Variants in MYO15A observed in about 807,000 individuals in gnomAD.
MYO15A encodes unconventional myosin-XV.
Under a neutral mutation model 394.6 loss-of-function variants are expected in MYO15A, and 308 were observed. The observed-to-expected ratio is 0.78, with a 90% confidence interval of 0.71 to 0.86. The LOEUF (loss-of-function observed/expected upper bound fraction) is 0.86, where lower values mean the gene tolerates loss of function less well. Ranked by LOEUF, MYO15A falls within the 40% of genes least tolerant of loss-of-function variation. The pLI, the probability that MYO15A is intolerant of heterozygous loss-of-function variation, is 0.00. For missense variants in MYO15A, 4,606 were observed against 4,799.1 expected (o/e 0.96, Z 1.19); for synonymous variants, 1,957 against 2,003.8 (o/e 0.98, Z 0.62).
chr17:18,124,530 C>T lies in MYO15A; in HGVS notation c.3657C>T (p.His1219=), dbSNP rs1429253786. ...CATCCATGCGGTTCCGTGAGCAGCACGGGGAGGATGGTGTGGAGGACATGA... is the reference window on the plus strand; with the variant it reads ...CATCCATGCGGTTCCGTGAGCAGCATGGGGAGGATGGTGTGGAGGACATGA... ...NLPSMRFREQ[H]GEDGVEDMTQ... Residue 1219 remains histidine, a synonymous_variant, in exon 3 of 66, where the codon CAC becomes CAT. Coordinates refer to ENST00000647165, the MANE Select transcript of MYO15A (RefSeq NM_016239.4). 3.1e-6 allele frequency: 5 copies of T among 1,613,088 alleles called. No homozygotes were observed. In the African/African-American group the frequency reaches 4.0e-5, roughly 13 times the overall value.
chr17:18,128,516 G>C (rs1425134070), intron 7 of MYO15A, among the ~76,000 whole-genome samples: 2 of 152,202 alleles, frequency 1.3e-5, no homozygotes, highest in African/African-American at 4.8e-5. Context: ...GCCTGCCTTG[G>C]CCTGCCAGGG....
rs368611576 is a variant in MYO15A, at chr17:18,121,941, C to A, written c.3141C>A (p.Pro1047=). Residue 1047 remains proline, a synonymous_variant, in exon 2 of 66, where the codon CCC becomes CCA. Transcript: ENST00000647165. The surrounding 1 kb of genome is among the most constrained non-coding windows in gnomAD (Gnocchi z 5.3). ...DVTPPKDITP[P]KDVLPEQKTL... is the part of the protein sequence containing the mutation. ...CTCCCCCCAAGGATATCACTCCCCC[C>A]AAGGATGTCCTCCCAGAGCAAAAGA... is the stretch of plus-strand genomic sequence containing the variant. 1 of 1,613,432 alleles carries A rather than the reference C, an allele frequency of 6.2e-7. No homozygotes were observed. The highest frequency in any genetic ancestry group is 8.5e-7 in the Non-Finnish European group (1 of 1,179,978).
At chr17:18,157,995 G>GC (rs1234592268) in intron 51 of MYO15A, 95 bp downstream of exon 51, 2 of 1,416,976 alleles carry the variant, frequency 1.4e-6, no homozygotes, top group African/African-American at 2.9e-5. Flanking sequence ...TGGGCCAAGG[G>GC]CCTGGCCAGG....
At chr17:18,155,979 C>T (rs1029906976) in intron 47 of MYO15A, 15 of 620,184 alleles carry the variant, frequency 2.4e-5, no homozygotes, top group East Asian at 8.7e-5. Context: ...GGAGAGGGGC[C>T]GGAGTGTCAG....
intron 33 of MYO15A, 69 bp downstream of exon 33, chr17:18,149,021 G>A: frequency 6.5e-7 from 1 of 1,531,658 alleles, no homozygotes. Context: ...CTCCCAGGCA[G>A]AAGGCCTGCC....
At chr17:18,110,328 TATA>T (rs2045706284) in intron 1 of MYO15A, 1 of 152,238 alleles carries the variant, frequency 6.6e-6, no homozygotes, top group Admixed American at 6.5e-5. Flanking sequence ...AGCTTCTTTT[TATA>T]ATATTTTCTA....
chr17:18,157,296 A>C (rs1178924707), intron 50 of MYO15A, 66 bp downstream of exon 50: 1 of 1,546,454 alleles, frequency 6.5e-7, no homozygotes, highest in East Asian at 2.4e-5. Flanking sequence ...CGTGGTGCAG[A>C]TGCACAGTGA....
In MYO15A at chr17:18,121,926, GGATATCACT is replaced by G. The variant is rs1002944160; in HGVS notation, c.3127_3135del (p.Asp1043_Thr1045del). 2.5e-6 allele frequency: 4 copies of G among 1,613,054 alleles called. No homozygotes were observed. In the Admixed American group the frequency reaches 6.7e-5, roughly 27 times the overall value. The stretch of plus-strand genomic sequence containing the variant: ...CTCCCAAGGATGTCACTCCCCCCAA[GGATATCACT>G]CCCCCCAAGGATGTCCTCCCAGAGC... On this transcript the variant is annotated inframe_deletion, in exon 2 of 66. Coordinates refer to ENST00000647165, the MANE Select transcript of MYO15A (RefSeq NM_016239.4). This position sits in a 1 kb window ranked among gnomAD's most constrained non-coding sequence, Gnocchi z 5.3.
intron 51 of MYO15A, 31 bp downstream of exon 51, chr17:18,157,931 G>GGGGGGGGGGCC: frequency 2.4e-6 from 1 of 412,704 alleles, no homozygotes; most frequent in Non-Finnish European, 4.5e-6. Flanking sequence ...GTGGGGCGGG[G>GGGGGGGGGGCC]TAGACCAGGG....
At chr17:18,173,480 T>G in intron 64 of MYO15A, 2 of 415,196 alleles carry the variant, frequency 4.8e-6, no homozygotes, top group African/African-American at 2.0e-5. Context: ...GCAACTTTGA[T>G]GTGAAGTTCA....
chr17:18,137,022 C>T (rs1377541712), intron 15 of MYO15A, among the ~76,000 whole-genome samples: 2 of 152,208 alleles, frequency 1.3e-5, no homozygotes, highest in African/African-American at 4.8e-5. Flanking sequence ...AGCAAAGGCA[C>T]TGTAGGTGCA....
In MYO15A at chr17:18,156,322, T is replaced by C. The variant is rs1236011131; in HGVS notation, c.8587T>C (p.Leu2863=). The change falls in exon 48 of 66, where the codon TTG becomes CTG. Residue 2863 remains leucine, a synonymous_variant. Transcript: ENST00000647165. ...CAAGACCCTGGTAGATGACTTCATC[T>C]TGGAGCTGAAGAAGGTCAGGATCTT... ...QVKTLVDDFI[L]ELKKDSDYVV... is the part of the protein sequence containing the mutation. The C allele has an allele frequency of 1.2e-6, 2 of 1,614,182 alleles. 1 individual carries two copies. The highest frequency in any genetic ancestry group is 2.2e-5 in the South Asian group (2 of 91,088).
chr17:18,128,142 A>T lies in MYO15A; in HGVS notation c.4032+977A>T, dbSNP rs180695750. Among the ~76,000 whole-genome samples the T allele has an allele frequency of 2.6e-5, 4 of 152,178 alleles. No individual in the cohort carries two copies. The East Asian group carries it at 7.7e-4, about 29-fold the overall frequency. Reference sequence around the variant, plus strand: ...CAGAGAAGACAGACTGGGGTGTGAGAGGGAGAACTGTCGGAGGGTGACCCC... The same window carrying T: ...CAGAGAAGACAGACTGGGGTGTGAGTGGGAGAACTGTCGGAGGGTGACCCC... On this transcript the variant is annotated intron_variant, in intron 7 of 65. Transcript: ENST00000647165.
chr17:18,120,991 G>A lies in MYO15A; in HGVS notation c.2191G>A (p.Val731Met). The A allele has an allele frequency of 6.7e-7, 1 of 1,503,730 alleles. No individual in the cohort carries two copies. Among genetic ancestry groups the A allele is most frequent in the Non-Finnish European group, 8.8e-7 (1 of 1,131,574 alleles). 93.1% of individuals were successfully genotyped at this position (1,503,730 alleles called of 1,614,324 possible). The change falls in exon 2 of 66, where the codon GTG becomes ATG. Residue 731 changes from valine (V) to methionine (M), a missense_variant. This residue lies in a region of MYO15A where 1,830 missense variants were observed against 1,689.7 expected (regional missense o/e 1.08). Coordinates refer to ENST00000647165, the MANE Select transcript of MYO15A (RefSeq NM_016239.4). ...FVEPPAVSPE[V>M]PPDLLAFPGP... ...GGAGCCCCCTGCCGTGAGCCCGGAG[G>A]TGCCCCCCGACCTACTAGCCTTCCC...
chr17:18,148,989 C>T lies in MYO15A; in HGVS notation c.6956+37C>T, dbSNP rs758728832. Reference sequence around the variant, plus strand: ...TGGGGGACCCCCTCACAGATGGCCACTCCCAGGCAGAAGGCCGGCCACTCC... The same window carrying T: ...TGGGGGACCCCCTCACAGATGGCCATTCCCAGGCAGAAGGCCGGCCACTCC... On this transcript the variant is annotated intron_variant, in intron 33 of 65. Transcript: ENST00000647165. This position sits in a 1 kb window ranked among gnomAD's most constrained non-coding sequence, Gnocchi z 4.8. 1.9e-6 allele frequency: 3 copies of T among 1,554,684 alleles called. No individual in the cohort carries two copies. The East Asian group carries it at 7.2e-5, about 37-fold the overall frequency.
Position 18,118,945 on chromosome 17 carries a change from A to G in MYO15A, c.145A>G (p.Lys49Glu). The G allele has an allele frequency of 6.2e-7, 1 of 1,613,558 alleles. No individual in the cohort carries two copies. Among genetic ancestry groups the G allele is most frequent in the Non-Finnish European group, 8.5e-7 (1 of 1,180,012 alleles). Residue 49 changes from lysine to glutamate, a missense_variant, in exon 2 of 66, where the codon AAG becomes GAG. Coordinates refer to ENST00000647165, the MANE Select transcript of MYO15A (RefSeq NM_016239.4). Reference protein sequence around the residue: ...GFRDRTPKISKKGQFRSASAF... With the variant: ...GFRDRTPKISEKGQFRSASAF... ...CCGCGACCGTACACCCAAGATCTCC[A>G]AGAAGGGCCAGTTCCGCAGCGCCTC...
intron 33 of MYO15A, 127 bp from the exon 34 acceptor site, chr17:18,149,089 G>C (rs2046534649): frequency 6.7e-7 from 1 of 1,484,306 alleles, no homozygotes; most frequent in Admixed American, 2.0e-5. Context: ...TCTTAAGGAG[G>C]TAGAGTTCAC....
Position 18,160,002 on chromosome 17 carries a change from A to G in MYO15A, c.9371A>G (p.Asn3124Ser), listed in dbSNP as rs760618055. 14 of 1,612,454 alleles carry G rather than the reference A, an allele frequency of 8.7e-6. No individual in the cohort carries two copies. In the South Asian group the frequency reaches 1.4e-4, roughly 16 times the overall value. ...YCQVVKQITD[N>S]TSSKQDSCQR... ...CAAGTTGTGAAGCAGATCACAGACA[A>G]TACCAGCTCCAAGCAGTGAGTGAAC... Residue 3124 changes from asparagine (N) to serine (S), a missense_variant, in exon 56 of 66, where the codon AAT becomes AGT. Asn to Ser is a conservative substitution (Grantham distance 46, BLOSUM62 1). Transcript: ENST00000647165.
rs760728238 is a variant in MYO15A, at chr17:18,158,530, C to G, written c.8975C>G (p.Pro2992Arg). Residue 2992 changes from proline (P) to arginine (R), a missense_variant, in exon 52 of 66, where the codon CCA becomes CGA. Coordinates refer to ENST00000647165, the MANE Select transcript of MYO15A (RefSeq NM_016239.4). ...QEVGRRREGP[P>R]VRARSADHGE... Reference sequence around the variant, plus strand: ...GCTCCGCCTCTTCTGCAGGGTCCCCCAGTCAGGGCCCGCTCTGCTGACCAT... The same window carrying G: ...GCTCCGCCTCTTCTGCAGGGTCCCCGAGTCAGGGCCCGCTCTGCTGACCAT... 6.2e-7 allele frequency: 1 copy of G among 1,613,972 alleles called. No individual in the cohort carries two copies. The highest frequency in any genetic ancestry group is 8.5e-7 in the Non-Finnish European group (1 of 1,179,970).
Sources: allele counts gnomAD v4.1 joint callset (sites outside exome capture counted in the v4.1 genomes callset), GRCh38; gene constraint gnomAD v4.1.1; regional missense constraint gnomAD v4.1.1; non-coding constraint Gnocchi (gnomAD v3.1); transcripts MANE v1.5; gene names NCBI Gene and HGNC (gene_info 2026-07-23, HGNC 2026-07-21).